The following RASAL2 variants were observed in gnomAD, a reference collection of about 807,000 sequenced individuals.
RASAL2 encodes ras GTPase-activating protein nGAP.
A neutral mutation model predicts 128.9 loss-of-function variants in RASAL2; 58 were observed. The ratio of observed to expected loss-of-function variants is 0.45; its 90% confidence interval spans 0.36 to 0.56. The LOEUF is 0.56. RASAL2 is among the 20% of genes least tolerant of loss of function. The probability of loss-of-function intolerance (pLI) is 0.00; values close to 1 mark genes in which losing one functional copy is unlikely to be tolerated. For missense variants in RASAL2, 1,360 were observed against 1,601.6 expected (o/e 0.85, Z 2.57); for synonymous variants, 561 against 580.8 (o/e 0.97, Z 0.49).
At chr1:178,359,496 A>G (rs1350615864) in intron 3 of RASAL2, among the ~76,000 whole-genome samples, 1 of 152,004 alleles carries the variant, frequency 6.6e-6, no homozygotes, top group African/African-American at 2.4e-5. Flanking sequence ...GTCATCCAGC[A>G]TACCGACCTT....
At chr1:178,356,588 C>A (rs1364576418) in intron 3 of RASAL2, among the ~76,000 whole-genome samples, 2 of 152,040 alleles carry the variant, frequency 1.3e-5, no homozygotes, top group African/African-American at 4.8e-5. Context: ...AAAAGTATAT[C>A]TTCTTATACT....
intron 1 of RASAL2, among the ~76,000 whole-genome samples, chr1:178,131,351 C>T (rs1418420764): frequency 6.9e-6 from 1 of 145,106 alleles, no homozygotes; most frequent in African/African-American, 2.6e-5. Flanking sequence ...GCACTGTAGT[C>T]GTGCACTACC....
intron 1 of RASAL2, among the ~76,000 whole-genome samples, chr1:178,223,497 G>GA (rs1663688037): frequency 6.6e-6 from 1 of 152,158 alleles, no homozygotes; most frequent in South Asian, 2.1e-4. Flanking sequence ...GTGAAGAACT[G>GA]AAAGAATTCA....
At chr1:178,346,134 A>G (rs1160051245) in intron 3 of RASAL2, among the ~76,000 whole-genome samples, 5 of 152,170 alleles carry the variant, frequency 3.3e-5, no homozygotes, top group Non-Finnish European at 7.4e-5. Context: ...TTGCCACATC[A>G]GCCAGGTTCA....
At chr1:178,108,767 A>G (rs1356510744) in intron 1 of RASAL2, among the ~76,000 whole-genome samples, 4 of 152,244 alleles carry the variant, frequency 2.6e-5, no homozygotes, top group Admixed American at 2.6e-4. Context: ...TATTAGCACC[A>G]TGACTATAAA....
chr1:178,286,739 G>A (rs1034950197), intron 2 of RASAL2, among the ~76,000 whole-genome samples: 9 of 152,042 alleles, frequency 5.9e-5, no homozygotes, highest in Non-Finnish European at 1.2e-4. Context: ...CTTCCTCGTC[G>A]TTTTTTGTTG....
chr1:178,184,683 G>T (rs901087410), intron 1 of RASAL2, among the ~76,000 whole-genome samples: 2 of 151,848 alleles, frequency 1.3e-5, no homozygotes, highest in African/African-American at 4.8e-5. Context: ...TGCTTTTTCT[G>T]TTCTTTGTAG....
intron 14 of RASAL2, among the ~76,000 whole-genome samples, chr1:178,459,746 T>C (rs1237566249): frequency 1.3e-5 from 2 of 152,208 alleles, no homozygotes; most frequent in Non-Finnish European, 2.9e-5. Flanking sequence ...GCAGACTTCC[T>C]GGGCTAAACC....
intron 1 of RASAL2, among the ~76,000 whole-genome samples, chr1:178,188,070 T>G (rs1185618320): frequency 6.6e-6 from 1 of 152,178 alleles, no homozygotes; most frequent in Non-Finnish European, 1.5e-5. Context: ...CCTGAGTAAG[T>G]TATGGAACTT....
At chr1:178,441,680 TA>T in intron 7 of RASAL2, 33 bp downstream of exon 7, 1 of 1,518,750 alleles carries the variant, frequency 6.6e-7, no homozygotes, top group Non-Finnish European at 9.1e-7. Flanking sequence ...AAAAAATGTA[TA>T]ACTTTGTAAG....
intron 3 of RASAL2, among the ~76,000 whole-genome samples, chr1:178,331,604 T>TTTG (rs56749357): frequency 6.7e-6 from 1 of 148,894 alleles, no homozygotes; most frequent in Admixed American, 6.7e-5. Context: ...TTTTTTTTTT[T>TTTG]GAGACAGATT....
rs139691165 is a variant in RASAL2, at chr1:178,308,626, G to A, written c.457+8508G>A. Among the ~76,000 whole-genome samples, 208 of 148,172 alleles carry A rather than the reference G, an allele frequency of 1.4e-3. 1 individual carries two copies. Among genetic ancestry groups the A allele is most frequent in the African/African-American group, 4.6e-3 (185 of 39,878 alleles). On this transcript the variant is annotated intron_variant, in intron 3 of 17. Coordinates refer to ENST00000367649, the MANE Select transcript of RASAL2 (RefSeq NM_170692.4). ...TGTGGTGTAATCATGACTCACTGCA[G>A]CCTCAACTTCCTAGGCTCAACTGAT... is the stretch of plus-strand genomic sequence containing the variant.
intron 1 of RASAL2, among the ~76,000 whole-genome samples, chr1:178,157,221 A>G (rs1216383284): frequency 6.6e-6 from 1 of 152,160 alleles, no homozygotes; most frequent in Non-Finnish European, 1.5e-5. Flanking sequence ...GCCCTAGACC[A>G]CTGACAGTGC....
At chr1:178,303,506 A>G (rs1007750172) in intron 3 of RASAL2, among the ~76,000 whole-genome samples, 5 of 152,064 alleles carry the variant, frequency 3.3e-5, no homozygotes, top group Admixed American at 2.6e-4. Flanking sequence ...TGTTTTAAGA[A>G]AGTTTAAGAA....
chr1:178,361,465 A>G (rs1671103464), intron 3 of RASAL2, among the ~76,000 whole-genome samples: 1 of 152,168 alleles, frequency 6.6e-6, no homozygotes, highest in African/African-American at 2.4e-5. Context: ...TACATTCTCC[A>G]TAGCTATTAG....
intron 3 of RASAL2, among the ~76,000 whole-genome samples, chr1:178,354,041 C>T (rs1442177916): frequency 6.6e-6 from 1 of 152,006 alleles, no homozygotes. Context: ...CTACACACAT[C>T]AGCTACTTTT....
intron 9 of RASAL2, among the ~76,000 whole-genome samples, chr1:178,446,825 C>T (rs1257978214): frequency 6.6e-6 from 1 of 152,030 alleles, no homozygotes; most frequent in Non-Finnish European, 1.5e-5. Flanking sequence ...GTGTGAAATA[C>T]ATTTATGTTT....
intron 1 of RASAL2, among the ~76,000 whole-genome samples, chr1:178,227,103 G>A (rs1242920455): frequency 2.6e-5 from 4 of 151,944 alleles, no homozygotes; most frequent in Non-Finnish European, 4.4e-5. Flanking sequence ...ATTACTTGCT[G>A]TACACTTCAG....
intron 1 of RASAL2, among the ~76,000 whole-genome samples, chr1:178,169,760 G>T (rs919691689): frequency 2.0e-5 from 3 of 151,962 alleles, no homozygotes; most frequent in Admixed American, 6.6e-5. Flanking sequence ...TAAAATGAAG[G>T]CTGTGGTATT....
Sources: gnomAD v4.1 joint callset for allele counts (sites outside exome capture counted in the v4.1 genomes callset) on GRCh38, gnomAD v4.1.1 for gene constraint, MANE v1.5 for transcripts, NCBI Gene and HGNC (gene_info 2026-07-23, HGNC 2026-07-21) for gene names.